The following HECW2 variants were observed in gnomAD, a reference collection of about 807,000 sequenced individuals.
HECW2 encodes E3 ubiquitin-protein ligase HECW2.
HECW2 carries 61 observed loss-of-function variants against 175.2 expected under a neutral mutation model. The observed-to-expected ratio is 0.35, with a 90% confidence interval of 0.28 to 0.43. HECW2 has a LOEUF of 0.43. HECW2 is among the 20% of genes least tolerant of loss of function. The probability of loss-of-function intolerance (pLI) is 1.00; values close to 1 mark genes in which losing one functional copy is unlikely to be tolerated. For missense variants in HECW2, 1,524 were observed against 2,000.5 expected (o/e 0.76, Z 4.54); for synonymous variants, 671 against 731.0 (o/e 0.92, Z 1.32).
At chr2:196,327,317 G>A (rs16849614) in intron 5 of HECW2, among the ~76,000 whole-genome samples, 6,631 of 152,172 alleles carry the variant, frequency 0.044, 512 homozygotes, top group African/African-American at 0.15. Context: ...TAAACTACCA[G>A]TGATTTTTAA....
chr2:196,254,946 TC>T (rs1688996984), intron 18 of HECW2, among the ~76,000 whole-genome samples: 2 of 148,962 alleles, frequency 1.3e-5, no homozygotes, highest in Non-Finnish European at 3.0e-5. Flanking sequence ...TTAAAGGCCT[TC>T]TTTATGTATC....
At chr2:196,529,706 A>C (rs975406474) in intron 1 of HECW2, among the ~76,000 whole-genome samples, 3 of 152,226 alleles carry the variant, frequency 2.0e-5, no homozygotes, top group Non-Finnish European at 4.4e-5. Flanking sequence ...ATGCCAGTGA[A>C]CAAGTCTACA....
intron 2 of HECW2, among the ~76,000 whole-genome samples, chr2:196,376,136 A>G (rs562142480): frequency 3.3e-5 from 5 of 152,328 alleles, no homozygotes; most frequent in Admixed American, 2.0e-4. Context: ...CTTAGCTTTT[A>G]TTACCCTCAA....
At chr2:196,273,881 C>T (rs781200015) in intron 16 of HECW2, 140 bp downstream of exon 16, 48 of 580,820 alleles carry the variant, frequency 8.3e-5, no homozygotes, top group Non-Finnish European at 1.3e-4. Context: ...TTTTGTTATA[C>T]ATTTCTTAAG....
chr2:196,439,103 C>A (rs1695966501), intron 1 of HECW2, among the ~76,000 whole-genome samples: 1 of 152,174 alleles, frequency 6.6e-6, no homozygotes, highest in Non-Finnish European at 1.5e-5. Flanking sequence ...ATTTATTTAC[C>A]TATTAAATGG....
intron 2 of HECW2, among the ~76,000 whole-genome samples, chr2:196,398,383 T>G (rs926178923): frequency 2.0e-5 from 3 of 152,214 alleles, no homozygotes; most frequent in Admixed American, 1.3e-4. Flanking sequence ...AACAAAAATG[T>G]TATACCATTA....
intron 1 of HECW2, among the ~76,000 whole-genome samples, chr2:196,532,695 G>A (rs1447333258): frequency 6.6e-6 from 1 of 152,000 alleles, no homozygotes; most frequent in Non-Finnish European, 1.5e-5. Context: ...CCATCTTCCA[G>A]GGCACATTCC....
At chr2:196,365,061 T>G (rs1693707674) in intron 2 of HECW2, among the ~76,000 whole-genome samples, 1 of 152,346 alleles carries the variant, frequency 6.6e-6, no homozygotes, top group Middle Eastern at 3.4e-3. Context: ...TTATTACAGT[T>G]TTCAACATTC....
intron 1 of HECW2, among the ~76,000 whole-genome samples, chr2:196,565,932 GTA>G (rs1194265002): frequency 6.6e-6 from 1 of 151,922 alleles, no homozygotes; most frequent in Non-Finnish European, 1.5e-5. Flanking sequence ...TTCCACTTTT[GTA>G]TATGTTTCAG....
At chr2:196,296,860 T>C (rs1234482602) in intron 13 of HECW2, among the ~76,000 whole-genome samples, 12 of 152,250 alleles carry the variant, frequency 7.9e-5, no homozygotes, top group Admixed American at 7.9e-4. Flanking sequence ...TTAGTCTTCA[T>C]GAAGCTGATA....
intron 10 of HECW2, among the ~76,000 whole-genome samples, chr2:196,314,488 G>GAGAGGGA (rs1184053994): frequency 2.0e-5 from 3 of 152,162 alleles, no homozygotes; most frequent in African/African-American, 7.2e-5. Flanking sequence ...CCTGATAGAG[G>GAGAGGGA]AGAGGGAATA....
At chr2:196,435,478 G>A (rs1163583133) in intron 1 of HECW2, among the ~76,000 whole-genome samples, 1 of 152,196 alleles carries the variant, frequency 6.6e-6, no homozygotes, top group East Asian at 1.9e-4. Flanking sequence ...AATGCAGGCT[G>A]TATATAACTA....
intron 12 of HECW2, 92 bp from the exon 13 acceptor site, chr2:196,306,704 T>C (rs952177990): frequency 2.6e-5 from 33 of 1,252,768 alleles, no homozygotes; most frequent in South Asian, 8.4e-5. Flanking sequence ...AAAAGAATCA[T>C]AGGATACCTA....
Position 196,475,761 on chromosome 2 carries a change from C to A in HECW2, c.-35-42303G>T, listed in dbSNP as rs1686578698. ...GTTGGTTATCTGCCCATTTGTGAACCAATCACTGTGGTCTGAGAGGTGCAA... is the reference window on the plus strand; with the variant it reads ...GTTGGTTATCTGCCCATTTGTGAACAAATCACTGTGGTCTGAGAGGTGCAA... On this transcript the variant is annotated intron_variant, in intron 1 of 28. Coordinates refer to ENST00000644978, the MANE Select transcript of HECW2 (RefSeq NM_001348768.2). 1.3e-5 allele frequency among the ~76,000 whole-genome samples: 2 copies of A among 152,226 alleles called. 1 individual carries two copies. Among genetic ancestry groups the A allele is most frequent in the South Asian group, 4.1e-4 (2 of 4,828 alleles).
intron 2 of HECW2, among the ~76,000 whole-genome samples, chr2:196,414,395 G>C (rs556233292): frequency 2.6e-5 from 4 of 152,266 alleles, no homozygotes; most frequent in African/African-American, 9.6e-5. Flanking sequence ...ACAAATCTCA[G>C]TATGTGTTAG....
chr2:196,473,149 A>G (rs1183748835), intron 1 of HECW2, among the ~76,000 whole-genome samples: 1 of 152,196 alleles, frequency 6.6e-6, no homozygotes, highest in Non-Finnish European at 1.5e-5. Flanking sequence ...TAAAAACCAC[A>G]TTTTTCAAAA....
chr2:196,238,218 G>A (rs551688633), intron 21 of HECW2, among the ~76,000 whole-genome samples: 1 of 152,276 alleles, frequency 6.6e-6, no homozygotes, highest in South Asian at 2.1e-4. Context: ...AGCAGAGTTA[G>A]ACTCTGTCTC....
chr2:196,508,454 G>T (rs899348139), intron 1 of HECW2, among the ~76,000 whole-genome samples: 11 of 152,222 alleles, frequency 7.2e-5, no homozygotes, highest in Admixed American at 3.3e-4. Context: ...CTGGATGCTC[G>T]CTGAAGCTGA....
intron 2 of HECW2, among the ~76,000 whole-genome samples, chr2:196,388,530 G>A (rs767553908): frequency 2.0e-5 from 3 of 152,126 alleles, no homozygotes; most frequent in Non-Finnish European, 2.9e-5. Context: ...CAGAAGGTAC[G>A]TAATATATCC....
Sources: gnomAD v4.1 joint callset for allele counts (sites outside exome capture counted in the v4.1 genomes callset) on GRCh38, gnomAD v4.1.1 for gene constraint, MANE v1.5 for transcripts, NCBI Gene and HGNC (gene_info 2026-07-23, HGNC 2026-07-21) for gene names.